KIF6: variants seen among roughly 807,000 people sequenced by gnomAD.
The protein encoded by KIF6 is kinesin-like protein KIF6.
A neutral mutation model predicts 112.7 loss-of-function variants in KIF6; 106 were observed. The observed-to-expected ratio is 0.94, with a 90% confidence interval of 0.80 to 1.11. The LOEUF is 1.11. KIF6 is among the 50% of genes least tolerant of loss of function. KIF6 has a pLI of 0.00. For synonymous variants in KIF6, 339 were observed against 339.9 expected (o/e 1.00, Z 0.03); for missense variants, 929 against 964.0 (o/e 0.96, Z 0.48).
intron 10 of KIF6, among the ~76,000 whole-genome samples, chr6:39,557,946 T>A (rs1352405763): frequency 6.7e-6 from 1 of 149,422 alleles, no homozygotes; most frequent in Non-Finnish European, 1.5e-5. Flanking sequence ...CTATCCCCCT[T>A]TTTTTTTTGC....
chr6:39,633,073 C>T (rs1294712893), intron 5 of KIF6, among the ~76,000 whole-genome samples: 2 of 151,712 alleles, frequency 1.3e-5, no homozygotes, highest in Non-Finnish European at 2.9e-5. Flanking sequence ...TTTATATTTA[C>T]AATAAATTCC....
intron 13 of KIF6, among the ~76,000 whole-genome samples, chr6:39,486,786 G>A (rs1205432334): frequency 6.6e-6 from 1 of 152,158 alleles, no homozygotes; most frequent in Non-Finnish European, 1.5e-5. Context: ...TAACATGATT[G>A]CAAAGGTTGC....
chr6:39,457,179 C>A (rs992791022), intron 13 of KIF6, among the ~76,000 whole-genome samples: 1 of 151,822 alleles, frequency 6.6e-6, no homozygotes, highest in African/African-American at 2.4e-5. Context: ...TCTCTCAGAC[C>A]ACAGTGCAAT....
At chr6:39,577,926 C>A in intron 10 of KIF6, 130 bp downstream of exon 10, 1 of 606,436 alleles carries the variant, frequency 1.6e-6, no homozygotes. Flanking sequence ...TAACTGGCGC[C>A]TAAATGCAAT....
chr6:39,629,217 A>G (rs552066201), intron 5 of KIF6, among the ~76,000 whole-genome samples: 1 of 152,220 alleles, frequency 6.6e-6, no homozygotes, highest in South Asian at 2.1e-4. Flanking sequence ...ATCATATGGT[A>G]AAAGTATGTT....
Position 39,725,353 on chromosome 6 carries a change from C to G in KIF6, c.-43G>C, listed in dbSNP as rs555233296. 2.6e-6 allele frequency: 4 copies of G among 1,560,910 alleles called. No individual in the cohort carries two copies. Among genetic ancestry groups the G allele is most frequent in the African/African-American group, 1.4e-5 (1 of 71,776 alleles). ...AATGACCCTTGACCTCTCTCAGGCCCGGGCTGCCAAAACTAACTCCCACCA... is the reference window on the plus strand; with the variant it reads ...AATGACCCTTGACCTCTCTCAGGCCGGGGCTGCCAAAACTAACTCCCACCA... On this transcript the variant is annotated 5_prime_UTR_variant, in exon 1 of 23. Coordinates refer to ENST00000287152, the MANE Select transcript of KIF6 (RefSeq NM_145027.6).
chr6:39,544,679 GTCAT>G lies in KIF6; in HGVS notation c.1298_1301del (p.Asn433ThrfsTer23). On this transcript the variant is annotated frameshift_variant, in exon 12 of 23. Transcript: ENST00000287152. LOFTEE classifies it high-confidence loss of function. ...CTGTATTGTTTTCAAGGATCTTCTT[GTCAT>G]TCAATAGTTTCTGTAAGATAAAATA... 1 of 1,596,346 alleles carries G rather than the reference GTCAT, an allele frequency of 6.3e-7. No homozygotes were observed. Among genetic ancestry groups the G allele is most frequent in the Non-Finnish European group, 8.5e-7 (1 of 1,172,912 alleles).
At chr6:39,650,440 A>T (rs867858873) in intron 3 of KIF6, among the ~76,000 whole-genome samples, 3 of 152,134 alleles carry the variant, frequency 2.0e-5, no homozygotes, top group African/African-American at 4.8e-5. Context: ...AGTCCAGCAT[A>T]CAGTATTGAA....
At chr6:39,361,174 G>C (rs79227684) in intron 17 of KIF6, among the ~76,000 whole-genome samples, 5,083 of 152,242 alleles carry the variant, frequency 0.033, 310 homozygotes, top group African/African-American at 0.12. Context: ...CCAATAGCCA[G>C]GCCGAAGAGA....
intron 17 of KIF6, 48 bp from the exon 18 acceptor site, chr6:39,360,578 C>T (rs771238160): frequency 2.5e-5 from 41 of 1,610,262 alleles, no homozygotes; most frequent in Middle Eastern, 3.3e-4. Flanking sequence ...CTTGAAAGCA[C>T]GGCATGGATG....
At chr6:39,688,266 C>T (rs1787988880) in intron 3 of KIF6, among the ~76,000 whole-genome samples, 1 of 152,070 alleles carries the variant, frequency 6.6e-6, no homozygotes, top group Non-Finnish European at 1.5e-5. Flanking sequence ...GGTTACTGAG[C>T]CCACACAGGT....
At chr6:39,356,200 T>C (rs1281647325) in intron 19 of KIF6, among the ~76,000 whole-genome samples, 1 of 152,144 alleles carries the variant, frequency 6.6e-6, no homozygotes, top group African/African-American at 2.4e-5. Context: ...TGTTATGGGT[T>C]TCTGAGAGAA....
intron 3 of KIF6, among the ~76,000 whole-genome samples, chr6:39,672,850 G>C (rs1380341055): frequency 6.6e-6 from 1 of 152,114 alleles, no homozygotes; most frequent in East Asian, 1.9e-4. Context: ...GTCACACTGG[G>C]GGTTAGGACT....
intron 16 of KIF6, among the ~76,000 whole-genome samples, chr6:39,365,683 T>C (rs980110113): frequency 2.6e-5 from 4 of 152,198 alleles, no homozygotes; most frequent in East Asian, 3.8e-4. Context: ...GCTAAAAAAG[T>C]AACACTGTGA....
At chr6:39,558,763 T>C (rs1471566660) in intron 10 of KIF6, among the ~76,000 whole-genome samples, 1 of 152,208 alleles carries the variant, frequency 6.6e-6, no homozygotes, top group Non-Finnish European at 1.5e-5. Flanking sequence ...ATATCAGCCA[T>C]AGTCCAACAA....
At chr6:39,383,869 C>T (rs1192326443) in intron 16 of KIF6, among the ~76,000 whole-genome samples, 1 of 152,122 alleles carries the variant, frequency 6.6e-6, no homozygotes, top group Non-Finnish European at 1.5e-5. Context: ...GATCTTTCAC[C>T]TTCATCATTA....
chr6:39,603,813 A>C (rs1473064542), intron 6 of KIF6, among the ~76,000 whole-genome samples: 1 of 152,104 alleles, frequency 6.6e-6, no homozygotes, highest in East Asian at 1.9e-4. Context: ...TCATATTAAA[A>C]ATTTTCTAGG....
intron 6 of KIF6, among the ~76,000 whole-genome samples, chr6:39,604,847 A>T (rs1782797232): frequency 1.3e-5 from 2 of 152,076 alleles, no homozygotes; most frequent in Non-Finnish European, 2.9e-5. Context: ...ATCCTCAAAG[A>T]TCTATTGGCC....
Position 39,480,266 on chromosome 6 carries a change from T to C in KIF6, c.1646-49105A>G, listed in dbSNP as rs56746613. Among the ~76,000 whole-genome samples, 221 of 152,332 alleles carry C rather than the reference T, an allele frequency of 1.5e-3. 1 individual carries two copies. Among genetic ancestry groups the C allele is most frequent in the Middle Eastern group, 0.01 (3 of 294 alleles). ...TCTAAGGGTTTTAATCATAAAGTGA[T>C]GCTGGATTTTGTCAAATGCTTTTTC... On this transcript the variant is annotated intron_variant, in intron 13 of 22. Transcript: ENST00000287152.
Sources: gnomAD v4.1 joint callset for allele counts (sites outside exome capture counted in the v4.1 genomes callset) on GRCh38, gnomAD v4.1.1 for gene constraint, MANE v1.5 for transcripts, NCBI Gene and HGNC (gene_info 2026-07-23, HGNC 2026-07-21) for gene names.